PTPRH: variants seen among roughly 807,000 people sequenced by gnomAD.
PTPRH encodes the protein protein tyrosine phosphatase receptor type H, also known as receptor-type tyrosine-protein phosphatase H.
Under a neutral mutation model 130.2 loss-of-function variants are expected in PTPRH, and 113 were observed. That is an observed-to-expected ratio of 0.87 (90% CI 0.75 to 1.01). The LOEUF is 1.01. PTPRH is among the 50% of genes least tolerant of loss of function. The probability of loss-of-function intolerance (pLI) is 0.00; values close to 1 mark genes in which losing one functional copy is unlikely to be tolerated. For synonymous variants in PTPRH, 556 were observed against 577.9 expected (o/e 0.96, Z 0.54); for missense variants, 1,430 against 1,425.0 (o/e 1.00, Z -0.06).
chr19:55,205,992 G>A (rs1301291103), intron 3 of PTPRH, among the ~76,000 whole-genome samples: 1 of 152,104 alleles, frequency 6.6e-6, no homozygotes, highest in Non-Finnish European at 1.5e-5. Flanking sequence ...CCGCACTTTG[G>A]GAGGCCGAGG....
chr19:55,196,868 AG>A, intron 9 of PTPRH, 80 bp from the exon 10 acceptor site: 1 of 1,519,328 alleles, frequency 6.6e-7, no homozygotes, highest in Non-Finnish European at 8.9e-7. Context: ...CAGTTTTCTG[AG>A]ACGAGCCCAT....
chr19:55,197,007 G>T, intron 9 of PTPRH, 110 bp downstream of exon 9: 2 of 1,388,880 alleles, frequency 1.4e-6, no homozygotes, highest in South Asian at 1.4e-5. Context: ...TGCAGCTCAT[G>T]AAGTCATGGC....
Position 55,197,172 on chromosome 19 carries a change from C to T in PTPRH, c.1935G>A (p.Val645=), listed in dbSNP as rs748353926. 1 of 1,614,264 alleles carries T rather than the reference C, an allele frequency of 6.2e-7. No individual in the cohort carries two copies. The highest frequency in any genetic ancestry group is 8.5e-7 in the Non-Finnish European group (1 of 1,180,056). Residue 645 remains valine, a synonymous_variant, in exon 9 of 20, where the codon GTG becomes GTA. Coordinates refer to ENST00000376350, the MANE Select transcript of PTPRH (RefSeq NM_002842.5). ...TGGCTACGTCATTCCTCTCTGCCCACACGGTGAAATTGTACAACGTCCCGG... is the reference window on the plus strand; with the variant it reads ...TGGCTACGTCATTCCTCTCTGCCCATACGGTGAAATTGTACAACGTCCCGG... ...LEPGTLYNFT[V]WAERNDVASS...
At chr19:55,188,369 CG>C (rs1019562937) in intron 12 of PTPRH, among the ~76,000 whole-genome samples, 27 of 151,976 alleles carry the variant, frequency 1.8e-4, no homozygotes. Context: ...AAAAATTAGC[CG>C]GGCGTGGTGT....
At chr19:55,187,344 C>CAAAAAAAAAAAAAAAAAAAAAAA (rs58124409) in intron 14 of PTPRH, among the ~76,000 whole-genome samples, 169 bp downstream of exon 14, 1 of 45,298 alleles carries the variant, frequency 2.2e-5, no homozygotes, top group Non-Finnish European at 4.2e-5. Context: ...GACTCCGTCT[C>CAAAAAAAAAAAAAAAAAAAAAAA]AAAAAAAAAA....
At chr19:55,186,649 G>T in intron 14 of PTPRH, 109 bp from the exon 15 acceptor site, 1 of 969,818 alleles carries the variant, frequency 1.0e-6, no homozygotes, top group African/African-American at 1.8e-5. Flanking sequence ...CAAGACCCAT[G>T]GACAAAAGTC....
chr19:55,183,627 G>A (rs2086239007), intron 18 of PTPRH, among the ~76,000 whole-genome samples: 1 of 152,122 alleles, frequency 6.6e-6, no homozygotes, highest in South Asian at 2.1e-4. Flanking sequence ...AAGAGGCTGA[G>A]GCAGGAGAAT....
chr19:55,205,807 C>T (rs558971521), intron 3 of PTPRH, among the ~76,000 whole-genome samples: 6 of 152,138 alleles, frequency 3.9e-5, no homozygotes, highest in South Asian at 2.1e-4. Flanking sequence ...CACCGGCTTT[C>T]GAAGAGTTCG....
intron 12 of PTPRH, among the ~76,000 whole-genome samples, chr19:55,190,525 A>C (rs1334648912): frequency 7.2e-6 from 1 of 139,552 alleles, no homozygotes; most frequent in Non-Finnish European, 1.5e-5. Context: ...TGTATATTTT[A>C]TATTGTATAA....
chr19:55,193,377 G>GC (rs34457413), intron 10 of PTPRH, among the ~76,000 whole-genome samples: 53,795 of 151,876 alleles, frequency 0.35, 10,144 homozygotes, highest in Middle Eastern at 0.5. Flanking sequence ...GCTGTGGTGG[G>GC]CATGATCGTA....
chr19:55,196,621 C>T lies in PTPRH; in HGVS notation c.2158G>A (p.Gly720Ser). 4 of 1,613,938 alleles carry T rather than the reference C, an allele frequency of 2.5e-6. No homozygotes were observed. The highest frequency in any genetic ancestry group is 3.4e-6 in the Non-Finnish European group (4 of 1,179,988). ...SSCGEAVSVL[G>S]LGPARSYPAT... is the part of the protein sequence containing the mutation. ...GGGTAGGACCGAGCCGGCCCGAGAC[C>T]CAACACAGACACAGCCTCCCCACAT... Residue 720 changes from glycine to serine, a missense_variant, in exon 10 of 20, where the codon GGT (glycine) becomes AGT (serine). Transcript: ENST00000376350.
At chr19:55,207,227 C>G (rs975000620) in intron 1 of PTPRH, 28 bp from the exon 2 acceptor site, 7 of 1,610,554 alleles carry the variant, frequency 4.3e-6, no homozygotes, top group Non-Finnish European at 5.9e-6. Context: ...AAAACGGAGT[C>G]AGCCTCTCAA....
chr19:55,198,588 T>A, intron 8 of PTPRH, 55 bp downstream of exon 8: 1 of 1,490,128 alleles, frequency 6.7e-7, no homozygotes, highest in South Asian at 1.4e-5. Flanking sequence ...AGTCCTTTCA[T>A]CTTTTTCCTT....
chr19:55,202,153 G>A lies in PTPRH; in HGVS notation c.1056C>T (p.Thr352=), dbSNP rs61734208. 998 of 1,614,164 alleles carry A rather than the reference G, an allele frequency of 6.2e-4. 3 individuals carry two copies. In the African/African-American group the frequency reaches 0.012, roughly 19 times the overall value. ...AACACCCGGGTTCAAGTCTATCCAC[G>A]GTGATGTTGGTGTGTGCTGTGCTTC... The part of the protein sequence containing the change: ...GTRSTAHTNI[T]VDRLEPGCLY... Residue 352 remains threonine, a synonymous_variant, in exon 6 of 20, where the codon ACC becomes ACT. Transcript: ENST00000376350.
rs2086170519 is a variant in PTPRH at position 55,181,553 on chromosome 19, G to C, written c.*201C>G. On this transcript the variant is annotated 3_prime_UTR_variant, in exon 20 of 20. Transcript: ENST00000376350. ...CCTCCTTCAGGGAACCAGGAATCCA[G>C]ATCCCCAGCTCCCATAGGACTCATC... The C allele has an allele frequency of 1.6e-6, 1 of 644,236 alleles. No individual in the cohort carries two copies. The highest frequency in any genetic ancestry group is 2.1e-5 in the South Asian group (1 of 48,368). 39.9% of individuals were successfully genotyped at this position (644,236 alleles called of 1,614,324 possible).
Position 55,196,793 on chromosome 19 carries a change from G to A in PTPRH, c.1991-5C>T, listed in dbSNP as rs767909517. ...TGATGGTGACTGTGTCTGGGTCTGG[G>A]TGAAGGAAGCAAGAGGTCAGCAGTG... On this transcript the variant is annotated splice_polypyrimidine_tract_variant and splice_region_variant and intron_variant, in intron 9 of 19. Transcript: ENST00000376350. 1 of 1,610,054 alleles carries A rather than the reference G, an allele frequency of 6.2e-7. No homozygotes were observed. The highest frequency in any genetic ancestry group is 8.5e-7 in the Non-Finnish European group (1 of 1,176,658).
Position 55,191,729 on chromosome 19 carries a change from C to A in PTPRH, c.2270G>T (p.Gly757Val). The A allele has an allele frequency of 6.2e-7, 1 of 1,613,918 alleles. No individual in the cohort carries two copies. ...CHTESAGVIA[G>V]AFVGILLFLI... Reference sequence around the variant, plus strand: ...AAACAGGAGGATGCCCACAAAGGCTCCGGCAATGACCCCTGTGGGGAGGAG... The same window carrying A: ...AAACAGGAGGATGCCCACAAAGGCTACGGCAATGACCCCTGTGGGGAGGAG... Residue 757 changes from glycine (G) to valine (V), a missense_variant, in exon 11 of 20, where the codon GGA (glycine) becomes GTA (valine). Physicochemically the swap from Gly to Val is moderately radical, Grantham distance 109. Coordinates refer to ENST00000376350, the MANE Select transcript of PTPRH (RefSeq NM_002842.5).
chr19:55,198,495 G>T (rs888590143), intron 8 of PTPRH, 148 bp downstream of exon 8: 2 of 784,360 alleles, frequency 2.5e-6, no homozygotes, highest in Admixed American at 7.5e-5. Context: ...ACACCCACTA[G>T]GAACGGGACC....
At chr19:55,202,609 A>G (rs1160247479) in intron 5 of PTPRH, among the ~76,000 whole-genome samples, 2 of 152,016 alleles carry the variant, frequency 1.3e-5, no homozygotes, top group African/African-American at 4.8e-5. Flanking sequence ...ACACACACAC[A>G]CATATATATA....
Sources: allele counts gnomAD v4.1 joint callset (sites outside exome capture counted in the v4.1 genomes callset), GRCh38; gene constraint gnomAD v4.1.1; transcripts MANE v1.5; gene names NCBI Gene and HGNC (gene_info 2026-07-23, HGNC 2026-07-21).